The following CSMD2 variants were observed in gnomAD, a reference collection of about 807,000 sequenced individuals.
CSMD2 encodes CUB and Sushi multiple domains 2, also known as CUB and sushi domain-containing protein 2.
Under a neutral mutation model 398.5 loss-of-function variants are expected in CSMD2, and 130 were observed. The ratio of observed to expected loss-of-function variants is 0.33; its 90% confidence interval spans 0.28 to 0.38. The LOEUF is 0.38. Ranked by LOEUF, CSMD2 falls within the 10% of genes least tolerant of loss-of-function variation. The pLI is 1.00. For missense variants in CSMD2, 3,829 were observed against 4,764.9 expected, an observed-to-expected ratio of 0.80 and a Z score of 5.78; for synonymous variants, 1,828 against 1,908.5, an observed-to-expected ratio of 0.96 and a Z score of 1.10.
intron 2 of CSMD2, among the ~76,000 whole-genome samples, chr1:34,059,601 G>A (rs2618777): frequency 0.31 from 47,015 of 151,980 alleles, 7,946 homozygotes; most frequent in African/African-American, 0.43. Flanking sequence ...CTGTTTTTGC[G>A]ATGCCTGTTC....
At chr1:33,867,811 TTGGTGGGCAGCAGC>T (rs1640148845) in intron 5 of CSMD2, among the ~76,000 whole-genome samples, 1 of 152,174 alleles carries the variant, frequency 6.6e-6, no homozygotes, top group South Asian at 2.1e-4. Context: ...ATGTGGGCTC[TTGGTGGGCAGCAGC>T]TGTGTGATGT....
At chr1:34,105,377 A>T (rs933372867) in intron 1 of CSMD2, among the ~76,000 whole-genome samples, 3 of 151,908 alleles carry the variant, frequency 2.0e-5, no homozygotes, top group African/African-American at 7.2e-5. Context: ...CCCTAGGGGG[A>T]AAATCACCTC....
chr1:34,013,533 CG>C (rs1043581162), intron 3 of CSMD2, among the ~76,000 whole-genome samples: 19 of 151,970 alleles, frequency 1.3e-4, no homozygotes, highest in Non-Finnish European at 2.4e-4. Flanking sequence ...GGAAGCCCTT[CG>C]GGGCAGGGGC....
intron 3 of CSMD2, among the ~76,000 whole-genome samples, chr1:33,967,263 T>A (rs1645591609): frequency 6.8e-6 from 1 of 147,516 alleles, no homozygotes; most frequent in Non-Finnish European, 1.5e-5. Context: ...CAGACTTTTT[T>A]TTTTAAAGCG....
chr1:33,967,144 A>G (rs972003597), intron 3 of CSMD2, among the ~76,000 whole-genome samples: 1 of 152,114 alleles, frequency 6.6e-6, no homozygotes, highest in African/African-American at 2.4e-5. Context: ...AGTATATTTT[A>G]GTGGAGAATT....
chr1:33,821,634 G>C (rs1254236343), intron 7 of CSMD2, among the ~76,000 whole-genome samples: 1 of 152,178 alleles, frequency 6.6e-6, no homozygotes, highest in East Asian at 1.9e-4. Context: ...TGCTCACATA[G>C]GTACACAACA....
intron 3 of CSMD2, among the ~76,000 whole-genome samples, chr1:34,014,957 A>G (rs1188888808): frequency 6.6e-6 from 1 of 152,152 alleles, no homozygotes; most frequent in Non-Finnish European, 1.5e-5. Context: ...TTTCCCCAAG[A>G]CAGCTGGGTG....
At chr1:33,907,092 G>T (rs1455210049) in intron 5 of CSMD2, among the ~76,000 whole-genome samples, 1 of 151,446 alleles carries the variant, frequency 6.6e-6, no homozygotes, top group Non-Finnish European at 1.5e-5. Flanking sequence ...GGGTAGGGGT[G>T]GGGTTGGTTA....
At chr1:34,017,563 C>A (rs1163594913) in intron 3 of CSMD2, among the ~76,000 whole-genome samples, 5 of 152,170 alleles carry the variant, frequency 3.3e-5, no homozygotes, top group African/African-American at 4.8e-5. Flanking sequence ...TTGAGACCAG[C>A]CTGAGCAACA....
At position 33,611,207 on chromosome 1, in the gene CSMD2, G is replaced by A. The variant is rs377127395; in HGVS notation, c.6177C>T (p.His2059=). Residue 2059 remains histidine (H), a synonymous_variant, in exon 41 of 71, where the codon CAC becomes CAT. Coordinates refer to ENST00000373381, the MANE Select transcript of CSMD2 (RefSeq NM_001281956.2). ...QFLNFSTEPN[H]DYIEIRNGPY... is the part of the protein sequence containing the mutation. ...GGCCATTCCGGATTTCTATGTAGTC[G>A]TGGTTGGGCTCGGTGGAGAAGTTCA... 288 of 1,614,122 alleles carry A rather than the reference G, an allele frequency of 1.8e-4. No homozygotes were observed. Among genetic ancestry groups the A allele is most frequent in the Non-Finnish European group, 2.2e-4 (265 of 1,180,024 alleles).
intron 47 of CSMD2, among the ~76,000 whole-genome samples, chr1:33,583,041 TG>T (rs1469023670): frequency 2.0e-4 from 31 of 152,360 alleles, no homozygotes; most frequent in African/African-American, 6.7e-4. Flanking sequence ...GTGGACCATC[TG>T]GACATCTTGC....
At chr1:33,791,497 C>CT (rs1654306410) in intron 11 of CSMD2, among the ~76,000 whole-genome samples, 3 of 151,178 alleles carry the variant, frequency 2.0e-5, no homozygotes, top group African/African-American at 7.3e-5. Context: ...CTTTTTTTTT[C>CT]TTTTTTTAGA....
rs549125540 is a variant in CSMD2, at chr1:33,941,699, A to T, written c.518-5745T>A. Among the ~76,000 whole-genome samples, 3 of 152,224 alleles carry T rather than the reference A, an allele frequency of 2.0e-5. No individual in the cohort carries two copies. In the South Asian group the frequency reaches 6.2e-4, roughly 32 times the overall value. On this transcript the variant is annotated intron_variant, in intron 3 of 70. Coordinates refer to ENST00000373381, the MANE Select transcript of CSMD2 (RefSeq NM_001281956.2). ...TTATTTTTAGCGGTTTGGCCTTTTA[A>T]ACATAATTCATAGCATACTTACTCT...
chr1:34,082,940 G>A (rs907218379), intron 2 of CSMD2, among the ~76,000 whole-genome samples: 6 of 151,884 alleles, frequency 4.0e-5, no homozygotes, highest in Admixed American at 6.6e-5. Context: ...GCGGAAGGCC[G>A]CAGGGTCCTC....
At chr1:33,885,918 C>T (rs1641559654) in intron 5 of CSMD2, among the ~76,000 whole-genome samples, 1 of 152,042 alleles carries the variant, frequency 6.6e-6, no homozygotes, top group Admixed American at 6.6e-5. Flanking sequence ...ACTTTCTGGG[C>T]TCAATTTCCT....
intron 1 of CSMD2, among the ~76,000 whole-genome samples, chr1:34,094,742 C>T (rs1659074180): frequency 6.6e-6 from 1 of 152,168 alleles, no homozygotes; most frequent in South Asian, 2.1e-4. Context: ...AATACAGGAG[C>T]ACCCAGATTC....
chr1:34,034,105 C>T (rs59694484), intron 2 of CSMD2, among the ~76,000 whole-genome samples: 2,019 of 152,144 alleles, frequency 0.013, 41 homozygotes, highest in African/African-American at 0.043. Flanking sequence ...TGAAATCATA[C>T]ATATTATAAG....
At chr1:33,950,443 C>G (rs1644972797) in intron 3 of CSMD2, among the ~76,000 whole-genome samples, 1 of 137,480 alleles carries the variant, frequency 7.3e-6, no homozygotes, top group Non-Finnish European at 1.6e-5. Context: ...TGTCTATAGT[C>G]ATGCTGGTGT....
chr1:33,635,175 G>T lies in CSMD2; in HGVS notation c.5086+39C>A. The T allele has an allele frequency of 7.7e-7, 1 of 1,294,650 alleles. No individual in the cohort carries two copies. The highest frequency in any genetic ancestry group is 1.1e-6 in the Non-Finnish European group (1 of 895,426). 80.2% of individuals were successfully genotyped at this position (1,294,650 alleles called of 1,614,324 possible). A position where few individuals can be genotyped will look rare whatever the true frequency, so the allele number is the denominator to read the frequency against. The stretch of plus-strand genomic sequence containing the variant: ...GCTCATTTTGGAATGAGGGTGAGGA[G>T]TCAGAAAACATATGAACAACAACAA... On this transcript the variant is annotated intron_variant, in intron 31 of 70. Coordinates refer to ENST00000373381, the MANE Select transcript of CSMD2 (RefSeq NM_001281956.2). This position sits in a 1 kb window ranked among gnomAD's most constrained non-coding sequence, Gnocchi z 5.0.
Sources: allele counts gnomAD v4.1 joint callset (sites outside exome capture counted in the v4.1 genomes callset), GRCh38; gene constraint gnomAD v4.1.1; non-coding constraint Gnocchi (gnomAD v3.1); transcripts MANE v1.5; gene names NCBI Gene and HGNC (gene_info 2026-07-23, HGNC 2026-07-21).